Variants in NCAM2 observed in about 807,000 individuals in gnomAD.
NCAM2 encodes the protein N-CAM-2.
In NCAM2, 30 loss-of-function variants were observed where a neutral mutation model predicts 98.1. The observed-to-expected ratio is 0.31, with a 90% CI of 0.23 to 0.41. NCAM2 has a LOEUF of 0.41. NCAM2 is among the 10% of genes least tolerant of loss of function. The pLI is 1.00. For missense variants in NCAM2, 867 were observed against 1,005.8 expected (o/e 0.86, Z 1.87); for synonymous variants, 368 against 342.4 (o/e 1.07, Z -0.83).
chr21:21,259,417 C>T (rs1169331402), intron 1 of NCAM2, among the ~76,000 whole-genome samples: 3 of 150,324 alleles, frequency 2.0e-5, no homozygotes, highest in Non-Finnish European at 4.4e-5. Flanking sequence ...TTCTATCTTT[C>T]CTACTCAGGA....
chr21:21,333,262 T>G (rs1226299181), intron 6 of NCAM2, among the ~76,000 whole-genome samples: 1 of 152,210 alleles, frequency 6.6e-6, no homozygotes, highest in Non-Finnish European at 1.5e-5. Context: ...GCATTTAAAG[T>G]GAATGTAATC....
chr21:21,004,969 G>A (rs556332067), intron 1 of NCAM2, among the ~76,000 whole-genome samples: 1 of 152,122 alleles, frequency 6.6e-6, no homozygotes, highest in Admixed American at 6.5e-5. Flanking sequence ...TTAATACAAG[G>A]AGAAAAAAAA....
chr21:21,447,041 A>G (rs1340096731), intron 12 of NCAM2, among the ~76,000 whole-genome samples: 1 of 152,022 alleles, frequency 6.6e-6, no homozygotes, highest in East Asian at 1.9e-4. Context: ...CACAGATTAG[A>G]AAAAAACTAC....
chr21:21,039,155 G>A (rs2064854193), intron 1 of NCAM2, among the ~76,000 whole-genome samples: 2 of 152,026 alleles, frequency 1.3e-5, no homozygotes, highest in Non-Finnish European at 2.9e-5. Context: ...CTAACTATAT[G>A]TTTGCACCCA....
chr21:21,072,913 G>T (rs6518066), intron 1 of NCAM2, among the ~76,000 whole-genome samples: 2 of 151,896 alleles, frequency 1.3e-5, no homozygotes, highest in Non-Finnish European at 2.9e-5. Context: ...CCATCCCACC[G>T]TCCATCTCCA....
At chr21:21,272,087 C>A (rs1051050126) in intron 1 of NCAM2, among the ~76,000 whole-genome samples, 2 of 152,036 alleles carry the variant, frequency 1.3e-5, no homozygotes, top group African/African-American at 2.4e-5. Flanking sequence ...AGGTGATGTC[C>A]AGATTGTTAA....
At position 21,214,746 on chromosome 21, in the gene NCAM2, T is replaced by TACAC. The variant is rs764932374; in HGVS notation, c.56-65831_56-65828dup. On this transcript the variant is annotated intron_variant, in intron 1 of 17. Coordinates refer to ENST00000400546, the MANE Select transcript of NCAM2 (RefSeq NM_004540.5). ...CCATATATATATATATATATATATATACACTATATATACACATATATGTAA... is the reference window on the plus strand; with the variant it reads ...CCATATATATATATATATATATATATACACACACTATATATACACATATATGTAA... Among the ~76,000 whole-genome samples, 98 of 100,534 alleles carry TACAC rather than the reference T, an allele frequency of 9.7e-4. 2 individuals are homozygous for TACAC. The highest frequency in any genetic ancestry group is 2.7e-3 in the East Asian group (10 of 3,664). 66.0% of individuals were successfully genotyped at this position (100,534 alleles called of 152,430 possible). A position where few individuals can be genotyped will look rare whatever the true frequency, so the allele number is the denominator to read the frequency against.
chr21:21,122,926 C>T lies in NCAM2; in HGVS notation c.55+124308C>T, dbSNP rs185940956. Among the ~76,000 whole-genome samples, 6 of 152,274 alleles carry T rather than the reference C, an allele frequency of 3.9e-5. No individual in the cohort carries two copies. In the East Asian group the frequency reaches 1.2e-3, roughly 29 times the overall value. ...CAGTCTCGTGTACACTTGTGAGAAA[C>T]AAATCCAGCAAGGTGATTGTCCCGA... is the stretch of plus-strand genomic sequence containing the variant. On this transcript the variant is annotated intron_variant, in intron 1 of 17. Coordinates refer to ENST00000400546, the MANE Select transcript of NCAM2 (RefSeq NM_004540.5).
At chr21:21,399,860 C>T (rs2076591825) in intron 9 of NCAM2, among the ~76,000 whole-genome samples, 1 of 152,072 alleles carries the variant, frequency 6.6e-6, no homozygotes, top group Non-Finnish European at 1.5e-5. Context: ...AAACTAGGCT[C>T]AGAGAAAATA....
rs1478863780 is a variant in NCAM2 at position 21,264,999 on chromosome 21, T to TAC, written c.56-15578_56-15577insCA. Reference sequence around the variant, plus strand: ...TATATATTATATATGTGTATGTGTATATATACACATATATATTATATATGT... The same window carrying TAC: ...TATATATTATATATGTGTATGTGTATACATATACACATATATATTATATATGT... On this transcript the variant is annotated intron_variant, in intron 1 of 17. Coordinates refer to ENST00000400546, the MANE Select transcript of NCAM2 (RefSeq NM_004540.5). Among the ~76,000 whole-genome samples the TAC allele has an allele frequency of 1.0e-4, 11 of 110,504 alleles. 3 individuals are homozygous for TAC. The highest frequency in any genetic ancestry group is 2.0e-4 in the Non-Finnish European group (11 of 54,922). The allele number at this position is 110,504 out of a possible 152,430, so 72.5% of individuals were successfully genotyped here.
chr21:21,295,656 A>G, intron 5 of NCAM2, among the ~76,000 whole-genome samples: 1 of 151,822 alleles, frequency 6.6e-6, no homozygotes, highest in Non-Finnish European at 1.5e-5. Context: ...ATAGGGACTT[A>G]CCCTTCATCC....
chr21:21,177,927 T>C (rs1456522045), intron 1 of NCAM2, among the ~76,000 whole-genome samples: 3 of 152,152 alleles, frequency 2.0e-5, no homozygotes, highest in African/African-American at 7.2e-5. Context: ...TATAGGTAAG[T>C]TTATAAAATA....
chr21:21,126,236 TAAAAAA>T (rs778070776), intron 1 of NCAM2, among the ~76,000 whole-genome samples: 30 of 97,566 alleles, frequency 3.1e-4, no homozygotes, highest in Non-Finnish European at 3.5e-4. Context: ...TCATGGAACA[TAAAAAA>T]AAAAAAAAAA....
intron 8 of NCAM2, among the ~76,000 whole-genome samples, chr21:21,338,851 G>A (rs1225026605): frequency 6.6e-6 from 1 of 152,094 alleles, no homozygotes; most frequent in African/African-American, 2.4e-5. Flanking sequence ...AACCCCTGCT[G>A]TGTGAGTATC....
intron 12 of NCAM2, among the ~76,000 whole-genome samples, chr21:21,446,331 A>G (rs1980132532): frequency 6.6e-6 from 1 of 151,964 alleles, no homozygotes; most frequent in Non-Finnish European, 1.5e-5. Context: ...CTTGCGGAGT[A>G]TCTTAGTAGT....
intron 1 of NCAM2, among the ~76,000 whole-genome samples, chr21:21,233,203 C>T (rs1015685498): frequency 1.3e-5 from 2 of 151,470 alleles, no homozygotes; most frequent in South Asian, 4.1e-4. Context: ...AGTTCTACCT[C>T]CCTCTCCAAG....
intron 1 of NCAM2, among the ~76,000 whole-genome samples, chr21:21,168,421 C>T (rs1429638170): frequency 1.3e-5 from 2 of 151,992 alleles, no homozygotes; most frequent in Admixed American, 1.3e-4. Context: ...CGCTTTTCAT[C>T]ATTGTACTGG....
intron 3 of NCAM2, among the ~76,000 whole-genome samples, chr21:21,285,445 G>T (rs2073066008): frequency 6.6e-6 from 1 of 151,820 alleles, no homozygotes; most frequent in Non-Finnish European, 1.5e-5. Flanking sequence ...AGCTTCCGAA[G>T]AAATGATATT....
chr21:21,013,080 G>T (rs147692098), intron 1 of NCAM2, among the ~76,000 whole-genome samples: 4 of 152,086 alleles, frequency 2.6e-5, no homozygotes, highest in Non-Finnish European at 5.9e-5. Flanking sequence ...CCCTACAATG[G>T]CCCCTAAATA....
Sources: allele counts gnomAD v4.1 joint callset (sites outside exome capture counted in the v4.1 genomes callset), GRCh38; gene constraint gnomAD v4.1.1; transcripts MANE v1.5; gene names NCBI Gene and HGNC (gene_info 2026-07-23, HGNC 2026-07-21).